ATRNL1: variants seen among roughly 807,000 people sequenced by gnomAD.
ATRNL1 encodes the protein attractin-like protein 1.
In ATRNL1, 95 loss-of-function variants were observed where a neutral mutation model predicts 182.7. The ratio of observed to expected loss-of-function variants is 0.52; its 90% CI spans 0.44 to 0.62. The LOEUF is 0.62. ATRNL1 is among the 20% of genes least tolerant of loss of function. The pLI, the probability that ATRNL1 is intolerant of heterozygous loss-of-function variation, is 0.00. For missense variants in ATRNL1, 1,471 were observed against 1,679.5 expected, an observed-to-expected ratio of 0.88 and a Z score of 2.17; for synonymous variants, 576 against 568.3, an observed-to-expected ratio of 1.01 and a Z score of -0.19.
intron 26 of ATRNL1, among the ~76,000 whole-genome samples, chr10:115,551,647 T>G (rs545332587): frequency 6.6e-6 from 1 of 151,582 alleles, no homozygotes; most frequent in Non-Finnish European, 1.5e-5. Flanking sequence ...TGTTAAAACA[T>G]ATTTTGAGGA....
chr10:115,410,565 C>T lies in ATRNL1; in HGVS notation c.3270-15685C>T, dbSNP rs1053694237. Reference sequence around the variant, plus strand: ...CGATCTCTTGACCTCATGATCTGCCCGCCTTGGCCTTCCAAAGTGCTGGGA... The same window carrying T: ...CGATCTCTTGACCTCATGATCTGCCTGCCTTGGCCTTCCAAAGTGCTGGGA... On this transcript the variant is annotated intron_variant, in intron 20 of 28. Coordinates refer to ENST00000355044, the MANE Select transcript of ATRNL1 (RefSeq NM_207303.4). Among the ~76,000 whole-genome samples, 11 of 152,006 alleles carry T rather than the reference C, an allele frequency of 7.2e-5. No individual in the cohort carries two copies. The South Asian group carries it at 1.0e-3, about 14-fold the overall frequency.
At chr10:115,783,106 T>C (rs189722374) in intron 27 of ATRNL1, among the ~76,000 whole-genome samples, 186 of 152,328 alleles carry the variant, frequency 1.2e-3, no homozygotes, top group African/African-American at 3.9e-3. Flanking sequence ...ATATAATTTA[T>C]TGTGGACATC....
chr10:115,220,836 C>G (rs1554897312), intron 9 of ATRNL1, among the ~76,000 whole-genome samples: 1 of 151,496 alleles, frequency 6.6e-6, no homozygotes, highest in Non-Finnish European at 1.5e-5. Context: ...CATCATCTCA[C>G]TTGCCACTAT....
chr10:115,261,481 T>C (rs1465834385), intron 10 of ATRNL1, among the ~76,000 whole-genome samples: 1 of 152,074 alleles, frequency 6.6e-6, no homozygotes, highest in Non-Finnish European at 1.5e-5. Flanking sequence ...AGAAGAAAGA[T>C]GGAGTTTCAG....
chr10:115,757,844 A>G (rs1357983850), intron 27 of ATRNL1, among the ~76,000 whole-genome samples: 4 of 151,840 alleles, frequency 2.6e-5, no homozygotes, highest in African/African-American at 9.7e-5. Context: ...TATTTCTTGG[A>G]GGCTTTGTTC....
chr10:115,338,597 G>A (rs1855602093), intron 19 of ATRNL1, among the ~76,000 whole-genome samples: 1 of 152,066 alleles, frequency 6.6e-6, no homozygotes, highest in African/African-American at 2.4e-5. Flanking sequence ...CTGTGGCATT[G>A]TTTCAGCTTC....
At chr10:115,372,631 T>C (rs1344354774) in intron 19 of ATRNL1, among the ~76,000 whole-genome samples, 1 of 152,192 alleles carries the variant, frequency 6.6e-6, no homozygotes, top group Non-Finnish European at 1.5e-5. Context: ...GAAGAGGCTA[T>C]CCTTTCCTTA....
chr10:115,466,748 TAAG>T (rs2134552481), intron 22 of ATRNL1, among the ~76,000 whole-genome samples: 1 of 151,336 alleles, frequency 6.6e-6, no homozygotes, highest in South Asian at 2.1e-4. Flanking sequence ...AATGTACACC[TAAG>T]AAGAAGTCTT....
chr10:115,705,732 T>C (rs1555052886), intron 26 of ATRNL1, among the ~76,000 whole-genome samples: 2 of 151,936 alleles, frequency 1.3e-5, no homozygotes, highest in African/African-American at 4.8e-5. Flanking sequence ...AGATTTCAGA[T>C]TTGTAGAGTA....
intron 26 of ATRNL1, among the ~76,000 whole-genome samples, chr10:115,587,509 G>A (rs140913331): frequency 0.47 from 68,995 of 147,208 alleles, 18,010 homozygotes; most frequent in East Asian, 0.84. Context: ...TCAGGTGGGA[G>A]TGACCCGATT....
At chr10:115,588,635 T>G (rs2133910183) in intron 26 of ATRNL1, among the ~76,000 whole-genome samples, 1 of 152,324 alleles carries the variant, frequency 6.6e-6, no homozygotes, top group East Asian at 1.9e-4. Flanking sequence ...TTGGGGTTCC[T>G]TCCCAGTCAT....
intron 20 of ATRNL1, among the ~76,000 whole-genome samples, chr10:115,398,197 C>T (rs1844380386): frequency 6.6e-6 from 1 of 151,830 alleles, no homozygotes; most frequent in Admixed American, 6.6e-5. Flanking sequence ...TTGTATTGTA[C>T]CTTGTGGAAG....
Position 115,093,743 on chromosome 10 carries a change from C to T in ATRNL1, c.-8C>T. 1.4e-6 allele frequency: 2 copies of T among 1,413,280 alleles called. No individual in the cohort carries two copies. Among genetic ancestry groups the T allele is most frequent in the Non-Finnish European group, 1.8e-6 (2 of 1,090,998 alleles). 87.5% of individuals were successfully genotyped at this position (1,413,280 alleles called of 1,614,324 possible). A position where few individuals can be genotyped will look rare whatever the true frequency, so the allele number is the denominator to read the frequency against. ...GCGCAGTCTCGCCGGGCAGGGGCGC[C>T]GGGGAAGATGGAGACTGGGGGCCGG... On this transcript the variant is annotated 5_prime_UTR_variant, in exon 1 of 29. Coordinates refer to ENST00000355044, the MANE Select transcript of ATRNL1 (RefSeq NM_207303.4). The surrounding 1 kb of genome is among the most constrained non-coding windows in gnomAD (Gnocchi z 6.1).
At chr10:115,113,042 A>G (rs1844325495) in intron 1 of ATRNL1, among the ~76,000 whole-genome samples, 1 of 152,194 alleles carries the variant, frequency 6.6e-6, no homozygotes, top group Admixed American at 6.6e-5. Flanking sequence ...CTTTACCACT[A>G]CAATTCTGAA....
intron 26 of ATRNL1, among the ~76,000 whole-genome samples, chr10:115,693,160 A>C (rs559208715): frequency 6.6e-6 from 1 of 152,122 alleles, no homozygotes; most frequent in African/African-American, 2.4e-5. Flanking sequence ...CAGCCCTTTT[A>C]TGATTATATA....
intron 27 of ATRNL1, among the ~76,000 whole-genome samples, chr10:115,805,455 A>G (rs1388223113): frequency 6.6e-6 from 1 of 152,168 alleles, no homozygotes. Context: ...ATGGTTACAT[A>G]AATTGGAACT....
chr10:115,474,211 G>A (rs1347737635), intron 24 of ATRNL1, among the ~76,000 whole-genome samples: 3 of 151,194 alleles, frequency 2.0e-5, no homozygotes, highest in Non-Finnish European at 4.4e-5. Context: ...CATTTCTGAA[G>A]GGCAACATTG....
intron 27 of ATRNL1, among the ~76,000 whole-genome samples, chr10:115,782,560 G>A (rs962339296): frequency 2.0e-5 from 3 of 152,162 alleles, no homozygotes; most frequent in Admixed American, 6.5e-5. Context: ...TAGGCCACCT[G>A]TAAAGCAACT....
At chr10:115,174,055 G>T (rs566719752) in intron 8 of ATRNL1, among the ~76,000 whole-genome samples, 2 of 151,794 alleles carry the variant, frequency 1.3e-5, no homozygotes, top group East Asian at 1.9e-4. Context: ...GATGGGTGTG[G>T]TAAGTTTTGA....
Sources: gnomAD v4.1 joint callset for allele counts (sites outside exome capture counted in the v4.1 genomes callset) on GRCh38, gnomAD v4.1.1 for gene constraint, Gnocchi (gnomAD v3.1) non-coding constraint, MANE v1.5 for transcripts, NCBI Gene and HGNC (gene_info 2026-07-23, HGNC 2026-07-21) for gene names.